The following RAF1 variants were observed in gnomAD, a reference collection of about 807,000 sequenced individuals.
RAF1 encodes Raf-1 proto-oncogene, serine/threonine kinase.
In RAF1, 27 loss-of-function variants were observed where a neutral mutation model predicts 81.1. The observed-to-expected ratio is 0.33, with a 90% CI of 0.25 to 0.46. The LOEUF (loss-of-function observed/expected upper bound fraction) is 0.46. Among genes scored for constraint, RAF1 ranks in the 20% least tolerant of loss-of-function variants. The probability of loss-of-function intolerance (pLI) is 1.00; values close to 1 mark genes in which losing one functional copy is unlikely to be tolerated. For missense variants in RAF1, 598 were observed against 826.0 expected, an observed-to-expected ratio of 0.72 and a Z score of 3.38; for synonymous variants, 298 against 294.0, an observed-to-expected ratio of 1.01 and a Z score of -0.14.
intron 13 of RAF1, chr3:12,589,240 G>C (rs1010589360): frequency 6.6e-6 from 1 of 152,234 alleles, no homozygotes; most frequent in African/African-American, 2.4e-5. Flanking sequence ...TCTAAAATTA[G>C]ATAGTGGTGG....
intron 1 of RAF1, among the ~76,000 whole-genome samples, chr3:12,626,705 TAA>T (rs763730840): frequency 1.3e-5 from 2 of 152,134 alleles, no homozygotes; most frequent in South Asian, 2.1e-4. Context: ...TGCTCAATGA[TAA>T]AGTTTTTTTT....
rs1481574405 is a variant in RAF1, at chr3:12,612,823, TAC to T, written c.208-763_208-762del. Among the ~76,000 whole-genome samples the T allele has an allele frequency of 7.4e-4, 112 of 152,180 alleles. 1 individual carries two copies. Among genetic ancestry groups the T allele is most frequent in the Admixed American group, 7.2e-3 (110 of 15,270 alleles). On this transcript the variant is annotated intron_variant, in intron 2 of 17. Coordinates refer to ENST00000442415, the MANE Select transcript of RAF1 (RefSeq NM_001354689.3). Reference sequence around the variant, plus strand: ...TCTAATTTTGTGTGATTAGAATGTATACACATATATGTTCACTAGATTCATTA... The same window carrying T: ...TCTAATTTTGTGTGATTAGAATGTATACATATATGTTCACTAGATTCATTA...
chr3:12,613,154 C>T (rs3773353), intron 2 of RAF1, among the ~76,000 whole-genome samples: 128,565 of 152,132 alleles, frequency 0.85, 54,783 homozygotes, highest in African/African-American at 0.95. Flanking sequence ...CAGAACCCTA[C>T]TGGGAAGTGT....
At chr3:12,651,271 A>G (rs912874099) in intron 1 of RAF1, among the ~76,000 whole-genome samples, 1 of 152,094 alleles carries the variant, frequency 6.6e-6, no homozygotes, top group Non-Finnish European at 1.5e-5. Context: ...GTTTCCCTAC[A>G]TGCTTATAAT....
chr3:12,656,061 A>C (rs910970799), intron 1 of RAF1, among the ~76,000 whole-genome samples: 29 of 148,552 alleles, frequency 2.0e-4, no homozygotes, highest in East Asian at 7.8e-4. Context: ...ACACACACAC[A>C]CCCCACCCCC....
chr3:12,584,904 C>G lies in RAF1; in HGVS notation c.1806G>C (p.Lys602Asn), dbSNP rs2058276038. Reference sequence around the variant, plus strand: ...TCTTCACACAGTCAGCTACCAGCCTCTTCATTGCTTTGGGGCAGTTCTTAT... The same window carrying G: ...TCTTCACACAGTCAGCTACCAGCCTGTTCATTGCTTTGGGGCAGTTCTTAT... The change falls in exon 17 of 18, where the codon AAG becomes AAC. Residue 602 changes from lysine to asparagine, a missense_variant. Physicochemically the swap from Lys to Asn is moderately conservative, Grantham distance 94. Around this residue, in one of 5 missense-constraint regions of RAF1, gnomAD observed 147 missense variants for 196.1 expected, o/e 0.75. Transcript: ENST00000442415. 6.2e-7 allele frequency: 1 copy of G among 1,614,212 alleles called. No individual in the cohort carries two copies. Among genetic ancestry groups the G allele is most frequent in the Non-Finnish European group, 8.5e-7 (1 of 1,180,038 alleles).
At position 12,663,960 on chromosome 3, in the gene RAF1, C is replaced by A. The variant is rs1439374718; in HGVS notation, c.-174G>T. 1.5e-5 allele frequency: 6 copies of A among 398,330 alleles called. No individual in the cohort carries two copies. Among genetic ancestry groups the A allele is most frequent in the Non-Finnish European group, 2.7e-5 (6 of 225,930 alleles). The allele number at this position is 398,330 out of a possible 1,614,324, so 24.7% of individuals were successfully genotyped here. A position where few individuals can be genotyped will look rare whatever the true frequency, so the allele number is the denominator to read the frequency against. On this transcript the variant is annotated 5_prime_UTR_variant, in exon 1 of 18. Coordinates refer to ENST00000442415, the MANE Select transcript of RAF1 (RefSeq NM_001354689.3). ...ACGGAGCCCCGAGCAGCCCCCGCATCGTAGCAAACGCGCTCCGCGCCTCAG... is the reference window on the plus strand; with the variant it reads ...ACGGAGCCCCGAGCAGCCCCCGCATAGTAGCAAACGCGCTCCGCGCCTCAG...
rs1371243954 is a variant in RAF1, at chr3:12,638,441, G to T, written c.-26-19694C>A. On this transcript the variant is annotated intron_variant, in intron 1 of 17. Coordinates refer to ENST00000442415, the MANE Select transcript of RAF1 (RefSeq NM_001354689.3). ...CTAAGGAGCAGCCAGGATAATGATT[G>T]GCTGGCAGTCAGTCATCTAACAGTT... Among the ~76,000 whole-genome samples, 3 of 152,152 alleles carry T rather than the reference G, an allele frequency of 2.0e-5. No individual in the cohort carries two copies. In the East Asian group the frequency reaches 5.8e-4, roughly 29 times the overall value.
chr3:12,654,194 C>T (rs1473495192), intron 1 of RAF1, among the ~76,000 whole-genome samples: 1 of 151,954 alleles, frequency 6.6e-6, no homozygotes, highest in Non-Finnish European at 1.5e-5. Flanking sequence ...CACTATGATG[C>T]CCAGGCTGGT....
chr3:12,641,826 C>T (rs2060196327), intron 1 of RAF1, among the ~76,000 whole-genome samples: 1 of 152,066 alleles, frequency 6.6e-6, no homozygotes, highest in African/African-American at 2.4e-5. Flanking sequence ...CTACGTAATG[C>T]TAGTTGTAGT....
At chr3:12,652,390 C>T (rs184883587) in intron 1 of RAF1, among the ~76,000 whole-genome samples, 307 of 122,880 alleles carry the variant, frequency 2.5e-3, no homozygotes, top group African/African-American at 9.0e-3. Flanking sequence ...GCATGGTGGC[C>T]GGTGCCTGTA....
At chr3:12,618,410 C>T (rs2059443303) in intron 2 of RAF1, 105 bp downstream of exon 2, 8 of 1,235,364 alleles carry the variant, frequency 6.5e-6, no homozygotes, top group African/African-American at 1.5e-5. Flanking sequence ...AATAAAGACC[C>T]TAAATGACAA....
chr3:12,596,980 G>A (rs1441987789), intron 11 of RAF1, among the ~76,000 whole-genome samples: 1 of 151,318 alleles, frequency 6.6e-6, no homozygotes, highest in African/African-American at 2.4e-5. Flanking sequence ...CTCACTGTAA[G>A]CTCTGCCTCC....
At chr3:12,628,761 G>A (rs867260593) in intron 1 of RAF1, among the ~76,000 whole-genome samples, 7 of 137,510 alleles carry the variant, frequency 5.1e-5, no homozygotes, top group Non-Finnish European at 7.9e-5. Context: ...TGGGGGGGGG[G>A]GGTGGCGGGG....
chr3:12,647,701 C>G (rs918787281), intron 1 of RAF1, among the ~76,000 whole-genome samples: 2 of 152,202 alleles, frequency 1.3e-5, no homozygotes, highest in African/African-American at 4.8e-5. Context: ...CAAATATGCT[C>G]AAATGTTAGT....
At chr3:12,659,176 C>A (rs185316126) in intron 1 of RAF1, among the ~76,000 whole-genome samples, 43 of 152,030 alleles carry the variant, frequency 2.8e-4, no homozygotes, top group Admixed American at 2.5e-3. Context: ...GCCTGTAATG[C>A]CAGCACTTTG....
At chr3:12,656,140 TA>T (rs995982762) in intron 1 of RAF1, among the ~76,000 whole-genome samples, 3 of 145,086 alleles carry the variant, frequency 2.1e-5, no homozygotes, top group African/African-American at 7.8e-5. Context: ...CAATACTAGA[TA>T]ATACTAGCCA....
rs2058241783 is a variant in RAF1, at chr3:12,584,232, A to G, written c.*282T>C. ...CTGGGCCCCTGCTTTTTGTACTACC[A>G]TCAACATCCACTTGCGCATCTACAG... On this transcript the variant is annotated 3_prime_UTR_variant, in exon 18 of 18. Coordinates refer to ENST00000442415, the MANE Select transcript of RAF1 (RefSeq NM_001354689.3). The G allele has an allele frequency of 6.1e-6, 3 of 492,996 alleles. No individual in the cohort carries two copies. Among genetic ancestry groups the G allele is most frequent in the African/African-American group, 1.9e-5 (1 of 52,368 alleles). 30.5% of individuals were successfully genotyped at this position (492,996 alleles called of 1,614,324 possible). A position where few individuals can be genotyped will look rare whatever the true frequency, so the allele number is the denominator to read the frequency against.
chr3:12,626,391 C>T (rs1428326379), intron 1 of RAF1, among the ~76,000 whole-genome samples: 1 of 151,524 alleles, frequency 6.6e-6, no homozygotes, highest in African/African-American at 2.4e-5. Context: ...AGTTTAACAC[C>T]AGCTCTGGGA....
Sources: gnomAD v4.1 joint callset for allele counts (sites outside exome capture counted in the v4.1 genomes callset) on GRCh38, gnomAD v4.1.1 for gene constraint, gnomAD v4.1.1 regional missense constraint, MANE v1.5 for transcripts, NCBI Gene and HGNC (gene_info 2026-07-23, HGNC 2026-07-21) for gene names.